The following BCL2L13 variants were observed in gnomAD, a reference collection of about 807,000 sequenced individuals.
BCL2L13 encodes bcl-2-like protein 13.
In BCL2L13, 13 loss-of-function variants were observed where a neutral mutation model predicts 25.8. The observed-to-expected ratio is 0.50, with a 90% CI of 0.33 to 0.80. The LOEUF (loss-of-function observed/expected upper bound fraction) is 0.80, where lower values mean the gene tolerates loss of function less well. Ranked by LOEUF, BCL2L13 falls within the 30% of genes least tolerant of loss-of-function variation. The probability of loss-of-function intolerance (pLI) is 0.02; values close to 1 mark genes in which losing one functional copy is unlikely to be tolerated. For synonymous variants in BCL2L13, 244 were observed against 230.3 expected, an observed-to-expected ratio of 1.06 and a Z score of -0.54; for missense variants, 504 against 574.9, an observed-to-expected ratio of 0.88 and a Z score of 1.26.
chr22:17,706,914 A>C, intron 6 of BCL2L13: 1 of 1,016,814 alleles, frequency 9.8e-7, no homozygotes, highest in Non-Finnish European at 1.4e-6. Context: ...AGATTACTGG[A>C]GGGAATGTCA....
chr22:17,637,098 C>T (rs1352828735), upstream of BCL2L13, among the ~76,000 whole-genome samples: 2 of 151,868 alleles, frequency 1.3e-5, no homozygotes, highest in African/African-American at 4.8e-5. Context: ...CATGGTGAGA[C>T]CCCGTCTCTA....
rs2058829429 is a variant in BCL2L13 at position 17,655,582 on chromosome 22, C to T, written c.-50-80C>T. Reference sequence around the variant, plus strand: ...AAGACTCTACCTCAAAAGAGTTGCACAAGACATTTTGGTGTGAAACAACTG... The same window carrying T: ...AAGACTCTACCTCAAAAGAGTTGCATAAGACATTTTGGTGTGAAACAACTG... On this transcript the variant is annotated intron_variant, in intron 1 of 6. Transcript: ENST00000317582. 5.9e-6 allele frequency: 7 copies of T among 1,182,430 alleles called. No individual in the cohort carries two copies. The Admixed American group carries it at 1.0e-4, about 17-fold the overall frequency. 73.2% of individuals were successfully genotyped at this position (1,182,430 alleles called of 1,614,324 possible).
At chr22:17,677,448 A>G (rs1231277848) in intron 2 of BCL2L13, among the ~76,000 whole-genome samples, 1 of 152,164 alleles carries the variant, frequency 6.6e-6, no homozygotes, top group East Asian at 1.9e-4. Flanking sequence ...AAATGAAAAC[A>G]TAGGCAGAGC....
At chr22:17,711,653 C>G (rs1042651035) in intron 6 of BCL2L13, among the ~76,000 whole-genome samples, 1 of 152,182 alleles carries the variant, frequency 6.6e-6, no homozygotes. Context: ...CCCTAAAGGT[C>G]TGTTTACTGA....
intron 1 of BCL2L13, among the ~76,000 whole-genome samples, chr22:17,643,864 T>C (rs2058378206): frequency 6.6e-6 from 1 of 151,776 alleles, no homozygotes; most frequent in East Asian, 1.9e-4. Flanking sequence ...CCGCCCTCCT[T>C]GGCTTCCCAA....
chr22:17,718,988 G>GT (rs2061023332), intron 6 of BCL2L13, among the ~76,000 whole-genome samples: 1 of 151,340 alleles, frequency 6.6e-6, no homozygotes, highest in African/African-American at 2.4e-5. Flanking sequence ...GTGAAACCCC[G>GT]TATCTACAAA....
At chr22:17,658,965 A>AG (rs552360903) in intron 2 of BCL2L13, among the ~76,000 whole-genome samples, 4,513 of 116,394 alleles carry the variant, frequency 0.039, 142 homozygotes, top group Non-Finnish European at 0.066. Context: ...AGGCTGAGGC[A>AG]GAGAATTGCT....
At chr22:17,698,587 G>T (rs1447192736) in intron 5 of BCL2L13, among the ~76,000 whole-genome samples, 1 of 142,390 alleles carries the variant, frequency 7.0e-6, no homozygotes, top group African/African-American at 2.6e-5. Context: ...AGCCATACAT[G>T]GTGGTGTGCA....
chr22:17,659,049 C>T (rs142996900), intron 2 of BCL2L13, among the ~76,000 whole-genome samples: 4,908 of 78,304 alleles, frequency 0.063, 383 homozygotes, highest in Middle Eastern at 0.11. Flanking sequence ...CAGAGCAAGA[C>T]TCCATCTAAA....
chr22:17,675,241 A>T (rs1364829719), intron 2 of BCL2L13, among the ~76,000 whole-genome samples: 4 of 152,204 alleles, frequency 2.6e-5, no homozygotes, highest in Admixed American at 1.3e-4. Flanking sequence ...TAGGACACAG[A>T]AATGCAGTAG....
At chr22:17,722,723 A>G (rs1016402854) in intron 6 of BCL2L13, among the ~76,000 whole-genome samples, 4 of 152,198 alleles carry the variant, frequency 2.6e-5, no homozygotes, top group Non-Finnish European at 4.4e-5. Context: ...GTCAATTTCC[A>G]TAAGAAAAAA....
At chr22:17,696,328 T>A in intron 5 of BCL2L13, 118 bp downstream of exon 5, 1 of 871,012 alleles carries the variant, frequency 1.1e-6, no homozygotes. Context: ...AATGCACAAA[T>A]CTATGTTAAG....
At chr22:17,631,690 ATATATATATATATATATTTTTTTTTTTTT>A (rs1568903759) in intron 1 of BCL2L13, among the ~76,000 whole-genome samples, 24 of 53,862 alleles carry the variant, frequency 4.5e-4, no homozygotes, top group African/African-American at 1.4e-3. Context: ...ATATATATAT[ATATATATATATATATATTTTTTTTTTTTT>A]TTTTTTTTTT....
chr22:17,698,784 T>TA (rs2060346876), intron 5 of BCL2L13, among the ~76,000 whole-genome samples: 1 of 152,100 alleles, frequency 6.6e-6, no homozygotes, highest in Non-Finnish European at 1.5e-5. Flanking sequence ...TGTTAGTAGT[T>TA]ACTCCCCATT....
At chr22:17,646,970 T>C (rs2058514188) in intron 1 of BCL2L13, among the ~76,000 whole-genome samples, 2 of 118,350 alleles carry the variant, frequency 1.7e-5, no homozygotes, top group Non-Finnish European at 3.5e-5. Flanking sequence ...TTTTTTTTTT[T>C]TTTTTTTTTC....
chr22:17,644,657 T>G (rs1465650279), intron 1 of BCL2L13, among the ~76,000 whole-genome samples: 5 of 151,328 alleles, frequency 3.3e-5, no homozygotes, highest in Admixed American at 2.0e-4. Context: ...AATATTTTAG[T>G]GGAAGGAAAT....
At chr22:17,681,086 T>C (rs1360343191) in intron 2 of BCL2L13, among the ~76,000 whole-genome samples, 1 of 152,146 alleles carries the variant, frequency 6.6e-6, no homozygotes, top group Non-Finnish European at 1.5e-5. Context: ...TAGTGGTTGG[T>C]GATCATTGGC....
At chr22:17,715,125 TATATATATATATATATA>T (rs1181513207) in intron 6 of BCL2L13, among the ~76,000 whole-genome samples, 3 of 3,114 alleles carry the variant, frequency 9.6e-4, no homozygotes, top group African/African-American at 3.6e-3. Flanking sequence ...GTTAATTTTA[TATATATATATATATATA>T]TATATATATA....
intron 1 of BCL2L13, among the ~76,000 whole-genome samples, chr22:17,651,220 G>A (rs2058673611): frequency 6.6e-6 from 1 of 151,624 alleles, no homozygotes; most frequent in Admixed American, 6.6e-5. Flanking sequence ...GGATGGTCTT[G>A]AACTCCTGAC....
Sources: gnomAD v4.1 joint callset for allele counts (sites outside exome capture counted in the v4.1 genomes callset) on GRCh38, gnomAD v4.1.1 for gene constraint, MANE v1.5 for transcripts, NCBI Gene and HGNC (gene_info 2026-07-23, HGNC 2026-07-21) for gene names.